TENM4: variants seen among roughly 807,000 people sequenced by gnomAD.
TENM4 encodes teneurin-4.
A neutral mutation model predicts 243.3 loss-of-function variants in TENM4; 82 were observed. The ratio of observed to expected loss-of-function variants is 0.34; its 90% CI spans 0.28 to 0.40. The LOEUF is 0.40. Among genes scored for constraint, TENM4 ranks in the 10% least tolerant of loss-of-function variants. TENM4 has a pLI of 1.00. For synonymous variants in TENM4, 1,412 were observed against 1,456.3 expected (o/e 0.97, Z 0.69); for missense variants, 3,138 against 3,673.3 (o/e 0.85, Z 3.77).
intron 6 of TENM4, among the ~76,000 whole-genome samples, chr11:79,020,620 C>A (rs1858901759): frequency 6.6e-6 from 1 of 151,442 alleles, no homozygotes; most frequent in Non-Finnish European, 1.5e-5. Context: ...TTTTTCCTGG[C>A]ATTAAAAAAA....
At chr11:79,378,678 A>G (rs1299445399) in intron 1 of TENM4, among the ~76,000 whole-genome samples, 1 of 152,106 alleles carries the variant, frequency 6.6e-6, no homozygotes, top group African/African-American at 2.4e-5. Flanking sequence ...AATATGTCTT[A>G]ACCTTCCCTG....
intron 6 of TENM4, among the ~76,000 whole-genome samples, chr11:79,036,750 G>A (rs542883134): frequency 4.6e-5 from 7 of 152,092 alleles, no homozygotes; most frequent in Non-Finnish European, 1.0e-4. Context: ...AGTGGCTCAC[G>A]CCTGTAGTCC....
At chr11:78,834,306 C>T (rs495912) in intron 12 of TENM4, among the ~76,000 whole-genome samples, 76,372 of 152,046 alleles carry the variant, frequency 0.5, 21,320 homozygotes, top group African/African-American at 0.74. Flanking sequence ...AGGCTATAGT[C>T]TTTTTCTCTT....
intron 9 of TENM4, among the ~76,000 whole-genome samples, chr11:78,870,926 A>G (rs1227274718): frequency 1.3e-5 from 2 of 152,168 alleles, no homozygotes; most frequent in African/African-American, 2.4e-5. Context: ...GTAATAGAAT[A>G]AGAAAGCTGT....
intron 20 of TENM4, among the ~76,000 whole-genome samples, chr11:78,734,764 C>T (rs1185312648): frequency 5.3e-5 from 8 of 152,180 alleles, no homozygotes; most frequent in African/African-American, 1.9e-4. Context: ...ATTGCACTGT[C>T]ATTGCTTGTT....
In TENM4 at chr11:78,672,201, T is replaced by C; in HGVS notation, c.5625A>G (p.Ser1875=). 6.2e-7 allele frequency: 1 copy of C among 1,613,830 alleles called. No individual in the cohort carries two copies. ...TGACACCATTCAGCCTGCTGCTGGG[T>C]GACCAGAGGCTGGGCCGCCCCGCCT... ...YDQAGRPSLW[S]PSSRLNGVNV... Residue 1875 remains serine, a synonymous_variant, in exon 31 of 34, where the codon TCA becomes TCG. Transcript: ENST00000278550.
At chr11:79,300,152 A>T (rs989701948) in intron 1 of TENM4, among the ~76,000 whole-genome samples, 13 of 152,094 alleles carry the variant, frequency 8.5e-5, no homozygotes, top group African/African-American at 1.2e-4. Flanking sequence ...TTCTTTTTTT[A>T]AAAAAAGTAT....
chr11:78,696,395 C>A (rs1369982018), intron 28 of TENM4, among the ~76,000 whole-genome samples: 1 of 152,138 alleles, frequency 6.6e-6, no homozygotes, highest in Non-Finnish European at 1.5e-5. Context: ...CTGATGATTT[C>A]TTTGCCTCTC....
At chr11:79,280,059 A>G (rs1856130375) in intron 2 of TENM4, among the ~76,000 whole-genome samples, 1 of 152,220 alleles carries the variant, frequency 6.6e-6, no homozygotes, top group South Asian at 2.1e-4. Context: ...TTTTGAAAGC[A>G]GAGACCAAGC....
chr11:79,215,293 A>T (rs1348478366), intron 3 of TENM4, among the ~76,000 whole-genome samples: 1 of 152,070 alleles, frequency 6.6e-6, no homozygotes, highest in Non-Finnish European at 1.5e-5. Flanking sequence ...GAGCCATCTT[A>T]GGCACTAGAC....
intron 1 of TENM4, among the ~76,000 whole-genome samples, chr11:79,345,478 C>G (rs1373314143): frequency 6.6e-6 from 1 of 152,162 alleles, no homozygotes; most frequent in African/African-American, 2.4e-5. Context: ...CACGTTTCAC[C>G]TATGTAATCT....
chr11:78,787,900 A>G (rs1211712249), intron 15 of TENM4, among the ~76,000 whole-genome samples: 1 of 152,208 alleles, frequency 6.6e-6, no homozygotes, highest in Non-Finnish European at 1.5e-5. Context: ...GGCCAGCAAC[A>G]GCTTCATGCT....
intron 6 of TENM4, among the ~76,000 whole-genome samples, chr11:79,053,358 T>C (rs1859851381): frequency 6.6e-6 from 1 of 152,224 alleles, no homozygotes; most frequent in Admixed American, 6.5e-5. Flanking sequence ...CTAGATGTCA[T>C]GTCTGTTCTT....
chr11:79,316,033 C>T (rs1484138514), intron 1 of TENM4, among the ~76,000 whole-genome samples: 1 of 152,114 alleles, frequency 6.6e-6, no homozygotes, highest in Non-Finnish European at 1.5e-5. Flanking sequence ...CTAAGCAGAA[C>T]CTAAAAAGTA....
At chr11:78,903,966 T>C in intron 6 of TENM4, 1 of 405,376 alleles carries the variant, frequency 2.5e-6, no homozygotes, top group Non-Finnish European at 4.8e-6. Flanking sequence ...CCCAGGAAAC[T>C]GATTTTACAA....
At position 79,188,503 on chromosome 11, in the gene TENM4, G is replaced by T. The variant is rs540255408; in HGVS notation, c.-163+27305C>A. 1.4e-4 allele frequency among the ~76,000 whole-genome samples: 22 copies of T among 151,956 alleles called. No individual in the cohort carries two copies. The South Asian group carries it at 2.9e-3, about 20-fold the overall frequency. On this transcript the variant is annotated intron_variant, in intron 3 of 33. Coordinates refer to ENST00000278550, the MANE Select transcript of TENM4 (RefSeq NM_001098816.3). Reference sequence around the variant, plus strand: ...GAGGAGATGATGGAGGTGAGGAAAAGGGAAAAGAGAGGAGGAGAGGAAGAA... The same window carrying T: ...GAGGAGATGATGGAGGTGAGGAAAATGGAAAAGAGAGGAGGAGAGGAAGAA...
intron 2 of TENM4, among the ~76,000 whole-genome samples, chr11:79,295,448 G>C (rs1002857646): frequency 1.3e-5 from 2 of 152,136 alleles, no homozygotes; most frequent in Non-Finnish European, 2.9e-5. Flanking sequence ...CCCCCGCCCC[G>C]GGAAAGGAAG....
intron 6 of TENM4, among the ~76,000 whole-genome samples, chr11:78,920,033 C>T (rs1215552241): frequency 6.6e-6 from 1 of 152,138 alleles, no homozygotes; most frequent in South Asian, 2.1e-4. Flanking sequence ...GTGAGCCCCT[C>T]GAGATGCCTC....
At chr11:79,284,028 T>C (rs946042173) in intron 2 of TENM4, among the ~76,000 whole-genome samples, 1 of 152,148 alleles carries the variant, frequency 6.6e-6, no homozygotes, top group Non-Finnish European at 1.5e-5. Flanking sequence ...CTAAATATTA[T>C]AAAACAGATT....
Sources: gnomAD v4.1 joint callset for allele counts (sites outside exome capture counted in the v4.1 genomes callset) on GRCh38, gnomAD v4.1.1 for gene constraint, MANE v1.5 for transcripts, NCBI Gene and HGNC (gene_info 2026-07-23, HGNC 2026-07-21) for gene names.